Variants in RB1 observed in about 807,000 individuals in gnomAD.
RB1 encodes RB transcriptional corepressor 1.
Under a neutral mutation model 135.4 loss-of-function variants are expected in RB1, and 18 were observed. The observed-to-expected ratio is 0.13, with a 90% CI of 0.09 to 0.20. RB1 has a LOEUF of 0.20. RB1 is among the 10% of genes least tolerant of loss of function. RB1 has a pLI of 1.00. For missense variants in RB1, 868 were observed against 1,110.0 expected, an observed-to-expected ratio of 0.78 and a Z score of 3.10; for synonymous variants, 365 against 373.2, an observed-to-expected ratio of 0.98 and a Z score of 0.25.
intron 20 of RB1, among the ~76,000 whole-genome samples, chr13:48,460,183 G>A (rs1378727761): frequency 6.6e-6 from 1 of 151,406 alleles, no homozygotes; most frequent in Non-Finnish European, 1.5e-5. Flanking sequence ...TGGCCAGGCT[G>A]GTCTCAAACT....
At chr13:48,364,831 G>A in intron 8 of RB1, 63 bp from the exon 9 acceptor site, 2 of 1,523,160 alleles carry the variant, frequency 1.3e-6, no homozygotes, top group Non-Finnish European at 1.8e-6. Context: ...CATTGTTCAA[G>A]AGTCAAGAGA....
intron 17 of RB1, among the ~76,000 whole-genome samples, chr13:48,419,443 T>G (rs1948969308): frequency 6.6e-6 from 1 of 152,144 alleles, no homozygotes; most frequent in East Asian, 1.9e-4. Context: ...AGAAAAGATG[T>G]AAAATTGACA....
intron 2 of RB1, among the ~76,000 whole-genome samples, chr13:48,308,109 C>A (rs1467885840): frequency 6.6e-6 from 1 of 151,384 alleles, no homozygotes; most frequent in African/African-American, 2.4e-5. Flanking sequence ...TTCATTTTTT[C>A]TTTGCGTAAG....
intron 2 of RB1, among the ~76,000 whole-genome samples, chr13:48,342,028 A>G (rs1403572614): frequency 6.6e-6 from 1 of 152,002 alleles, no homozygotes. Context: ...ACTGTATACT[A>G]TATACTACGC....
intron 3 of RB1, among the ~76,000 whole-genome samples, chr13:48,343,428 A>G (rs1265048380): frequency 6.6e-6 from 1 of 152,218 alleles, no homozygotes; most frequent in African/African-American, 2.4e-5. Flanking sequence ...TAAACGAGAT[A>G]GATTAAATTG....
At chr13:48,325,937 A>G (rs1832463604) in intron 2 of RB1, among the ~76,000 whole-genome samples, 2 of 152,120 alleles carry the variant, frequency 1.3e-5, no homozygotes, top group African/African-American at 4.8e-5. Flanking sequence ...TGCTCATAGA[A>G]TAGTCTTTGC....
intron 17 of RB1, among the ~76,000 whole-genome samples, chr13:48,440,014 A>T (rs1005190565): frequency 2.6e-5 from 4 of 152,290 alleles, no homozygotes; most frequent in Non-Finnish European, 5.9e-5. Context: ...ATATGAGAGA[A>T]GTATCAGGAA....
intron 17 of RB1, among the ~76,000 whole-genome samples, chr13:48,382,443 G>A (rs1566200051): frequency 1.3e-5 from 2 of 152,104 alleles, no homozygotes; most frequent in African/African-American, 2.4e-5. Flanking sequence ...TTTCTCTGAT[G>A]GCCAGTGATG....
chr13:48,348,601 A>G (rs1461543778), intron 5 of RB1, among the ~76,000 whole-genome samples: 1 of 151,602 alleles, frequency 6.6e-6, no homozygotes, highest in Non-Finnish European at 1.5e-5. Context: ...TGTTTTTTAT[A>G]TATTTTTATA....
At chr13:48,317,075 C>G in intron 2 of RB1, 1 of 810,310 alleles carries the variant, frequency 1.2e-6, no homozygotes, top group East Asian at 4.5e-5. Flanking sequence ...TGCTGCTTGG[C>G]CAGGGCCCGC....
intron 17 of RB1, among the ~76,000 whole-genome samples, chr13:48,423,055 G>C (rs534999234): frequency 1.3e-5 from 2 of 151,968 alleles, no homozygotes; most frequent in African/African-American, 4.8e-5. Context: ...ACTTGGGCCC[G>C]GGAGATTGAG....
chr13:48,450,107 T>G (rs1206719746), intron 17 of RB1, among the ~76,000 whole-genome samples: 4 of 150,588 alleles, frequency 2.7e-5, no homozygotes, highest in African/African-American at 9.8e-5. Context: ...TTTTTTTTTT[T>G]GCTGTGCAGA....
intron 2 of RB1, among the ~76,000 whole-genome samples, chr13:48,314,537 C>T (rs529784284): frequency 4.6e-5 from 7 of 152,106 alleles, no homozygotes; most frequent in Admixed American, 1.3e-4. Flanking sequence ...CGGAGGCTCA[C>T]GCCTGTAATC....
intron 17 of RB1, among the ~76,000 whole-genome samples, chr13:48,392,890 G>GTATTCCTTTC (rs1172912206): frequency 1.3e-5 from 2 of 151,716 alleles, no homozygotes; most frequent in Non-Finnish European, 2.9e-5. Flanking sequence ...TCACTATTTT[G>GTATTCCTTTC]ACCTGTGTTT....
intron 2 of RB1, among the ~76,000 whole-genome samples, chr13:48,330,244 A>G (rs1952321102): frequency 6.6e-6 from 1 of 152,130 alleles, no homozygotes; most frequent in African/African-American, 2.4e-5. Flanking sequence ...CCAGATAAGT[A>G]ACCTAACTTT....
rs1952511945 is a variant in RB1, at chr13:48,347,854, C to T, written c.530C>T (p.Pro177Leu). ...TGTGAACTTATATATTTGACACAAC[C>T]CAGCAGTTCGTAAGTAGTTCACAGA... The part of the protein sequence containing the change: ...RTCELIYLTQ[P>L]SSSISTEINS... Residue 177 changes from proline to leucine, a missense_variant, in exon 5 of 27, where the codon CCC (proline) becomes CTC (leucine). Around this residue, in one of 3 missense-constraint regions of RB1, gnomAD observed 641 missense variants for 791.3 expected, o/e 0.81. Transcript: ENST00000267163. 1.3e-6 allele frequency: 2 copies of T among 1,591,762 alleles called. No individual in the cohort carries two copies. Among genetic ancestry groups the T allele is most frequent in the Non-Finnish European group, 1.7e-6 (2 of 1,161,184 alleles).
At chr13:48,419,232 T>A (rs1948966135) in intron 17 of RB1, among the ~76,000 whole-genome samples, 1 of 152,168 alleles carries the variant, frequency 6.6e-6, no homozygotes, top group Admixed American at 6.5e-5. Context: ...ATTAAGAAAC[T>A]CACTCAAACC....
chr13:48,345,014 T>A (rs1952479292), intron 3 of RB1, 66 bp from the exon 4 acceptor site: 2 of 1,529,584 alleles, frequency 1.3e-6, no homozygotes, highest in Non-Finnish European at 1.8e-6. Context: ...TATCTATGAT[T>A]TGAAAACGAA....
chr13:48,453,994 G>T (rs1949345065), intron 18 of RB1, among the ~76,000 whole-genome samples: 1 of 152,138 alleles, frequency 6.6e-6, no homozygotes, highest in African/African-American at 2.4e-5. Flanking sequence ...GTGAATTGGG[G>T]TCCCAAGTGT....
Sources: allele counts gnomAD v4.1 joint callset (sites outside exome capture counted in the v4.1 genomes callset), GRCh38; gene constraint gnomAD v4.1.1; regional missense constraint gnomAD v4.1.1; transcripts MANE v1.5; gene names NCBI Gene and HGNC (gene_info 2026-07-23, HGNC 2026-07-21).